CACNA2D1: variants seen among roughly 807,000 people sequenced by gnomAD.
CACNA2D1 encodes the protein voltage-dependent calcium channel subunit alpha-2/delta-1.
In CACNA2D1, 53 loss-of-function variants were observed where a neutral mutation model predicts 171.5. That is an observed-to-expected ratio of 0.31 (90% CI 0.25 to 0.39). The LOEUF is 0.39. Ranked by LOEUF, CACNA2D1 falls within the 10% of genes least tolerant of loss-of-function variation. The pLI is 1.00. For synonymous variants in CACNA2D1, 442 were observed against 443.1 expected (o/e 1.00, Z 0.03); for missense variants, 903 against 1,299.8 (o/e 0.69, Z 4.69).
chr7:82,062,662 A>G (rs569616309), intron 9 of CACNA2D1, among the ~76,000 whole-genome samples: 1 of 146,900 alleles, frequency 6.8e-6, no homozygotes, highest in South Asian at 2.1e-4. Context: ...GGTTTGTTAC[A>G]TACGTATACA....
chr7:82,266,961 T>G (rs372536507), intron 3 of CACNA2D1, among the ~76,000 whole-genome samples: 2 of 152,230 alleles, frequency 1.3e-5, no homozygotes, highest in African/African-American at 4.8e-5. Context: ...GACAAACTAC[T>G]TCTGAAAAAT....
At chr7:82,267,551 T>C (rs1808020945) in intron 3 of CACNA2D1, among the ~76,000 whole-genome samples, 1 of 152,216 alleles carries the variant, frequency 6.6e-6, no homozygotes, top group East Asian at 1.9e-4. Flanking sequence ...TGAGTACTCA[T>C]CTATTTCTCC....
intron 21 of CACNA2D1, 141 bp from the exon 22 acceptor site, chr7:81,984,852 G>A (rs1796794643): frequency 4.6e-6 from 3 of 657,602 alleles, no homozygotes; most frequent in Non-Finnish European, 8.3e-6. Context: ...ACAAGAAAAT[G>A]CATTCAGCAA....
chr7:82,367,835 T>C (rs530912903), intron 1 of CACNA2D1, among the ~76,000 whole-genome samples: 1 of 152,212 alleles, frequency 6.6e-6, no homozygotes, highest in African/African-American at 2.4e-5. Context: ...ATGGAGAGGA[T>C]ATGGGTAAAA....
chr7:82,298,801 G>A (rs544057107), intron 3 of CACNA2D1, among the ~76,000 whole-genome samples: 3 of 152,118 alleles, frequency 2.0e-5, no homozygotes, highest in South Asian at 4.2e-4. Context: ...AGTGGCTCAC[G>A]CCTATAATCT....
chr7:82,052,774 G>A (rs1182198018), intron 10 of CACNA2D1, among the ~76,000 whole-genome samples: 1 of 152,078 alleles, frequency 6.6e-6, no homozygotes, highest in East Asian at 1.9e-4. Flanking sequence ...TAACTTTTTG[G>A]TTAAATCTAG....
chr7:82,116,995 A>T, intron 6 of CACNA2D1, 49 bp downstream of exon 6: 1 of 1,604,092 alleles, frequency 6.2e-7, no homozygotes, highest in Non-Finnish European at 8.5e-7. Flanking sequence ...GAAACATAAG[A>T]CAGGCGAGAG....
intron 1 of CACNA2D1, among the ~76,000 whole-genome samples, chr7:82,361,665 A>C (rs924511923): frequency 1.3e-5 from 2 of 152,200 alleles, no homozygotes; most frequent in Non-Finnish European, 2.9e-5. Flanking sequence ...TTGTATAACT[A>C]AATCCAATAG....
At chr7:82,051,009 T>C in intron 10 of CACNA2D1, 1 of 223,564 alleles carries the variant, frequency 4.5e-6, no homozygotes, top group South Asian at 7.1e-5. Flanking sequence ...AGATGTGAGC[T>C]TACTAACACT....
In CACNA2D1 at chr7:82,120,701, C is replaced by A. The variant is rs549894796; in HGVS notation, c.397-3528G>T. Among the ~76,000 whole-genome samples, 6 of 151,964 alleles carry A rather than the reference C, an allele frequency of 3.9e-5. No homozygotes were observed. The East Asian group carries it at 1.2e-3, about 30-fold the overall frequency. ...ACCAGCCTGGTCAACATGGTGAAAA[C>A]CTGTCTGTACTAATAATACAAAAAT... is the stretch of plus-strand genomic sequence containing the variant. On this transcript the variant is annotated intron_variant, in intron 5 of 38. Coordinates refer to ENST00000356860, the MANE Select transcript of CACNA2D1 (RefSeq NM_000722.4).
chr7:82,218,117 G>A (rs919304744), intron 3 of CACNA2D1, among the ~76,000 whole-genome samples: 1 of 151,684 alleles, frequency 6.6e-6, no homozygotes, highest in African/African-American at 2.4e-5. Flanking sequence ...TGTATTTTTA[G>A]TAGAGACGTG....
chr7:82,277,134 G>T (rs1476778769), intron 3 of CACNA2D1, among the ~76,000 whole-genome samples: 2 of 152,030 alleles, frequency 1.3e-5, no homozygotes, highest in African/African-American at 4.8e-5. Flanking sequence ...GGTTTTGTTG[G>T]ACAGACTTTT....
chr7:82,314,996 G>A (rs1490934157), intron 3 of CACNA2D1, among the ~76,000 whole-genome samples: 1 of 46,772 alleles, frequency 2.1e-5, no homozygotes, highest in Non-Finnish European at 4.4e-5. Context: ...TTTTTTTTTT[G>A]AGACAGAGTC....
chr7:82,064,575 C>A lies in CACNA2D1; in HGVS notation c.729-221G>T, dbSNP rs115534382. ...GAGATGTCAGAAGCATAATATTTAACATTTTTTGATATTTATAACAGAAGA... is the reference window on the plus strand; with the variant it reads ...GAGATGTCAGAAGCATAATATTTAAAATTTTTTGATATTTATAACAGAAGA... On this transcript the variant is annotated intron_variant, in intron 8 of 38. Coordinates refer to ENST00000356860, the MANE Select transcript of CACNA2D1 (RefSeq NM_000722.4). Among the ~76,000 whole-genome samples, 1,119 of 152,184 alleles carry A rather than the reference C, an allele frequency of 7.4e-3. 14 individuals carry two copies. Among genetic ancestry groups the A allele is most frequent in the African/African-American group, 0.026 (1,066 of 41,554 alleles).
chr7:82,147,207 G>C (rs1045201406), intron 4 of CACNA2D1, among the ~76,000 whole-genome samples: 1 of 151,820 alleles, frequency 6.6e-6, no homozygotes, highest in African/African-American at 2.4e-5. Flanking sequence ...GAGTTCATTG[G>C]CTCTTGAACT....
At chr7:82,000,771 CTTTTTTTTTTTTTTTTTTTTTTTTT>C (rs774565705) in intron 18 of CACNA2D1, among the ~76,000 whole-genome samples, 2 of 51,912 alleles carry the variant, frequency 3.9e-5, no homozygotes, top group South Asian at 9.6e-4. Context: ...ATTTTTCTTT[CTTTTTTTTTTTTTTTTTTTTTTTTT>C]TTTTTTTTTT....
chr7:82,277,745 C>CT lies in CACNA2D1; in HGVS notation c.294+57389dup, dbSNP rs1186719410. 2.4e-3 allele frequency among the ~76,000 whole-genome samples: 342 copies of CT among 142,146 alleles called. 9 individuals carry two copies. The highest frequency in any genetic ancestry group is 8.1e-3 in the African/African-American group (308 of 38,180). 93.3% of individuals were successfully genotyped at this position (142,146 alleles called of 152,430 possible). On this transcript the variant is annotated intron_variant, in intron 3 of 38. Transcript: ENST00000356860. Reference sequence around the variant, plus strand: ...GCATATTTGATTTTTTAATTTTTTACTTTTATTTTTTTTTTTTTGAGATGG... The same window carrying CT: ...GCATATTTGATTTTTTAATTTTTTACTTTTTATTTTTTTTTTTTTGAGATGG...
At chr7:82,080,069 G>A (rs1376556477) in intron 7 of CACNA2D1, among the ~76,000 whole-genome samples, 20 of 131,638 alleles carry the variant, frequency 1.5e-4, no homozygotes, top group East Asian at 4.3e-4. Flanking sequence ...ATATATATAC[G>A]TATATATATG....
intron 3 of CACNA2D1, among the ~76,000 whole-genome samples, chr7:82,286,481 G>T (rs1810783385): frequency 6.6e-6 from 1 of 152,028 alleles, no homozygotes; most frequent in Admixed American, 6.6e-5. Context: ...GTTTATCCAG[G>T]CAAAAACAGA....
Sources: allele counts gnomAD v4.1 joint callset (sites outside exome capture counted in the v4.1 genomes callset), GRCh38; gene constraint gnomAD v4.1.1; transcripts MANE v1.5; gene names NCBI Gene and HGNC (gene_info 2026-07-23, HGNC 2026-07-21).